The following MATN2 variants were observed in gnomAD, a reference collection of about 807,000 sequenced individuals.
MATN2 encodes matrilin 2.
Under a neutral mutation model 103.2 loss-of-function variants are expected in MATN2, and 69 were observed. The observed-to-expected ratio is 0.67, with a 90% CI of 0.55 to 0.82. The LOEUF is 0.82. Among genes scored for constraint, MATN2 ranks in the 40% least tolerant of loss-of-function variants. The pLI is 0.00. For synonymous variants in MATN2, 429 were observed against 450.2 expected (o/e 0.95, Z 0.60); for missense variants, 1,023 against 1,211.5 (o/e 0.84, Z 2.31).
chr8:97,934,869 C>T (rs35968422), intron 3 of MATN2, among the ~76,000 whole-genome samples: 2 of 152,152 alleles, frequency 1.3e-5, no homozygotes, highest in Non-Finnish European at 1.5e-5. Flanking sequence ...TTATCTGTAG[C>T]TATCTGCTTA....
intron 7 of MATN2, among the ~76,000 whole-genome samples, chr8:98,002,009 G>A (rs1812803773): frequency 6.6e-6 from 1 of 152,278 alleles, no homozygotes; most frequent in Non-Finnish European, 1.5e-5. Context: ...AAAGAACAAT[G>A]CTGTGCAGTT....
At chr8:97,969,270 T>C (rs1222849952) in intron 5 of MATN2, among the ~76,000 whole-genome samples, 1 of 152,228 alleles carries the variant, frequency 6.6e-6, no homozygotes, top group African/African-American at 2.4e-5. Context: ...ACACGGGGGA[T>C]CACATTTCAG....
Position 97,931,375 on chromosome 8 carries a change from A to T in MATN2, c.565A>T (p.Ile189Phe), listed in dbSNP as rs1226359022. ...GGCTGCTAAGGCACGGGACACGGGC[A>T]TCCTAATCTTTGCCATTGGTGTGGG... ...EVAAKARDTG[I>F]LIFAIGVGQV... The change falls in exon 3 of 19, where the codon ATC becomes TTC. Residue 189 changes from isoleucine (I) to phenylalanine (F), a missense_variant. By Grantham distance (21) the Ile-to-Phe change is conservative. Transcript: ENST00000254898. This position sits in a 1 kb window ranked among gnomAD's most constrained non-coding sequence, Gnocchi z 4.1. 1.2e-6 allele frequency: 2 copies of T among 1,613,864 alleles called. No homozygotes were observed. The highest frequency in any genetic ancestry group is 2.2e-5 in the East Asian group (1 of 44,876).
intron 5 of MATN2, among the ~76,000 whole-genome samples, chr8:97,964,887 C>T (rs959580612): frequency 6.6e-6 from 1 of 152,078 alleles, no homozygotes; most frequent in South Asian, 2.1e-4. Flanking sequence ...GTGCATACCA[C>T]ACGTCTGGCT....
At chr8:98,025,618 T>C (rs994912686) in intron 13 of MATN2, 5 of 286,304 alleles carry the variant, frequency 1.7e-5, no homozygotes, top group African/African-American at 1.2e-4. Flanking sequence ...TGGTGGCATG[T>C]GCCTGTAATC....
intron 7 of MATN2, 165 bp from the exon 8 acceptor site, chr8:98,003,496 G>A: frequency 6.0e-6 from 4 of 669,364 alleles, no homozygotes; most frequent in Non-Finnish European, 1.0e-5. Context: ...CTCAAGGCCT[G>A]GCACTTGGCT....
At chr8:98,004,073 G>A (rs1441443755) in intron 8 of MATN2, 3 of 335,326 alleles carry the variant, frequency 8.9e-6, no homozygotes, top group Admixed American at 7.6e-5. Flanking sequence ...GATCACCTGA[G>A]GTCAGGAGTT....
Position 98,008,393 on chromosome 8 carries a change from T to C in MATN2, c.1573+792T>C, listed in dbSNP as rs141630911. Among the ~76,000 whole-genome samples, 166 of 152,280 alleles carry C rather than the reference T, an allele frequency of 1.1e-3. 1 individual carries two copies. Among genetic ancestry groups the C allele is most frequent in the Middle Eastern group, 0.01 (3 of 294 alleles). ...CAGAAATGAAAGAAAAGGACCACCA[T>C]TTATCTTCCCCAGCCTGCTGGTCTT... is the stretch of plus-strand genomic sequence containing the variant. On this transcript the variant is annotated intron_variant, in intron 10 of 18. Coordinates refer to ENST00000254898, the MANE Select transcript of MATN2 (RefSeq NM_002380.5).
intron 13 of MATN2, among the ~76,000 whole-genome samples, chr8:98,026,993 G>A (rs900085067): frequency 6.6e-6 from 1 of 152,116 alleles, no homozygotes; most frequent in Admixed American, 6.5e-5. Flanking sequence ...TGGCTGAGCT[G>A]AAGAAATCTC....
At chr8:97,895,968 ACG>A (rs967259020) in intron 2 of MATN2, among the ~76,000 whole-genome samples, 1 of 152,168 alleles carries the variant, frequency 6.6e-6, no homozygotes, top group African/African-American at 2.4e-5. Context: ...AGAGAAAGAC[ACG>A]CGTACTCTTG....
chr8:97,963,128 C>T (rs1449449215), intron 5 of MATN2, among the ~76,000 whole-genome samples: 1 of 152,222 alleles, frequency 6.6e-6, no homozygotes, highest in East Asian at 1.9e-4. Flanking sequence ...GAGCGAGACT[C>T]ATCTCAAACA....
At chr8:97,917,752 C>G (rs1809680466) in intron 2 of MATN2, among the ~76,000 whole-genome samples, 1 of 152,120 alleles carries the variant, frequency 6.6e-6, no homozygotes, top group African/African-American at 2.4e-5. Context: ...AGTGTATTCT[C>G]TATATATCTT....
chr8:97,909,596 G>A (rs1819291855), intron 2 of MATN2, among the ~76,000 whole-genome samples: 1 of 152,126 alleles, frequency 6.6e-6, no homozygotes, highest in African/African-American at 2.4e-5. Flanking sequence ...GAGAACAGCA[G>A]GCAGGAGTAT....
intron 1 of MATN2, among the ~76,000 whole-genome samples, chr8:97,873,208 TA>T (rs947861468): frequency 6.6e-6 from 1 of 152,194 alleles, no homozygotes; most frequent in Non-Finnish European, 1.5e-5. Flanking sequence ...GGCATGATGG[TA>T]AGAAAAACTA....
In MATN2 at chr8:97,959,998, G is replaced by A. The variant is rs1257018410; in HGVS notation, c.836-1410G>A. On this transcript the variant is annotated intron_variant, in intron 4 of 18. Transcript: ENST00000254898. Reference sequence around the variant, plus strand: ...ACAGTCTTGTTCTGTCGCCCAGGCTGGAGTGCAATGGTGTGATCTCGGCTC... The same window carrying A: ...ACAGTCTTGTTCTGTCGCCCAGGCTAGAGTGCAATGGTGTGATCTCGGCTC... Among the ~76,000 whole-genome samples, 6 of 152,140 alleles carry A rather than the reference G, an allele frequency of 3.9e-5. No individual in the cohort carries two copies. The East Asian group carries it at 7.7e-4, about 20-fold the overall frequency.
chr8:97,875,257 C>T (rs367860987), intron 1 of MATN2, among the ~76,000 whole-genome samples: 43 of 152,272 alleles, frequency 2.8e-4, no homozygotes, highest in African/African-American at 9.9e-4. Flanking sequence ...TTCTTAATAA[C>T]CACCCCCTTC....
At position 97,947,994 on chromosome 8, in the gene MATN2, T is replaced by C. The variant is rs140246207; in HGVS notation, c.835+6095T>C. On this transcript the variant is annotated intron_variant, in intron 4 of 18. Coordinates refer to ENST00000254898, the MANE Select transcript of MATN2 (RefSeq NM_002380.5). ...CTGTTTAAACACACGTTTTTGAGTA[T>C]ATACTGTTAATTCATTAACATTGAA... 2.5e-3 allele frequency among the ~76,000 whole-genome samples: 376 copies of C among 152,344 alleles called. 2 individuals carry two copies. The highest frequency in any genetic ancestry group is 8.8e-3 in the African/African-American group (366 of 41,576).
At chr8:97,930,313 G>A (rs1298183486) in intron 2 of MATN2, among the ~76,000 whole-genome samples, 1 of 152,188 alleles carries the variant, frequency 6.6e-6, no homozygotes, top group Non-Finnish European at 1.5e-5. Flanking sequence ...ATTCTCTGCA[G>A]TGCCCAGCCA....
chr8:98,008,317 G>A (rs1021794761), intron 10 of MATN2, among the ~76,000 whole-genome samples: 7 of 151,906 alleles, frequency 4.6e-5, no homozygotes, highest in Non-Finnish European at 7.4e-5. Context: ...ATCCTGTTTC[G>A]AAGTGGACCA....
Sources: gnomAD v4.1 joint callset for allele counts (sites outside exome capture counted in the v4.1 genomes callset) on GRCh38, gnomAD v4.1.1 for gene constraint, Gnocchi (gnomAD v3.1) non-coding constraint, MANE v1.5 for transcripts, NCBI Gene and HGNC (gene_info 2026-07-23, HGNC 2026-07-21) for gene names.